The following PLTP variants were observed in gnomAD, a reference collection of about 807,000 sequenced individuals.
The protein encoded by PLTP is phospholipid transfer protein.
Under a neutral mutation model 54.1 loss-of-function variants are expected in PLTP, and 43 were observed. The observed-to-expected ratio is 0.79, with a 90% CI of 0.62 to 1.02. PLTP has a LOEUF of 1.02. Among genes scored for constraint, PLTP ranks in the 50% least tolerant of loss-of-function variants. PLTP has a pLI of 0.00. For missense variants in PLTP, 604 were observed against 645.9 expected (o/e 0.94, Z 0.70); for synonymous variants, 263 against 264.6 (o/e 0.99, Z 0.06).
At chr20:45,903,001 C>G (rs1368410202) in intron 10 of PLTP, among the ~76,000 whole-genome samples, 2 of 150,516 alleles carry the variant, frequency 1.3e-5, no homozygotes, top group African/African-American at 2.5e-5. Context: ...CTCCCAGGTT[C>G]AGGCGATTCT....
intron 8 of PLTP, 24 bp downstream of exon 8, chr20:45,906,244 C>A: frequency 6.4e-7 from 1 of 1,552,246 alleles, no homozygotes; most frequent in South Asian, 1.1e-5. Context: ...AGTCAGAGGT[C>A]ATACACCAGC....
At chr20:45,904,778 C>G (rs538608117) in intron 10 of PLTP, 22 bp downstream of exon 10, 1 of 1,613,566 alleles carries the variant, frequency 6.2e-7, no homozygotes, top group African/African-American at 1.3e-5. Context: ...GTGGCCCTAT[C>G]CCTGCCCCCG....
At chr20:45,901,232 T>C (rs1268512993) in intron 12 of PLTP, among the ~76,000 whole-genome samples, 5 of 152,208 alleles carry the variant, frequency 3.3e-5, no homozygotes, top group African/African-American at 9.6e-5. Flanking sequence ...ATCTACCATA[T>C]TGGATAGCAC....
intron 12 of PLTP, among the ~76,000 whole-genome samples, chr20:45,900,277 T>G (rs1357601693): frequency 6.6e-5 from 10 of 151,872 alleles, no homozygotes; most frequent in Admixed American, 6.6e-4. Context: ...GCTAATTTTT[T>G]GTGTTTTTAG....
chr20:45,911,109 C>CCGAGGCCCCGCCCCGGATCG (rs763329388), intron 3 of PLTP, 43 bp downstream of exon 3: 103 of 1,610,526 alleles, frequency 6.4e-5, no homozygotes, highest in Non-Finnish European at 8.4e-5. Context: ...GCCTCCACCG[C>CCGAGGCCCCGCCCCGGATCG]CGAGGCCCCG....
intron 5 of PLTP, among the ~76,000 whole-genome samples, chr20:45,908,328 C>A (rs1236200230): frequency 6.6e-6 from 1 of 152,130 alleles, no homozygotes; most frequent in Non-Finnish European, 1.5e-5. Context: ...GCCCTGATAT[C>A]AAATGTTTTT....
intron 1 of PLTP, chr20:45,911,664 A>G (rs1568779445): frequency 1.4e-6 from 1 of 696,738 alleles, no homozygotes; most frequent in Non-Finnish European, 2.4e-6. Context: ...TCTGGCTCCC[A>G]GAGGATTTGG....
At chr20:45,900,053 G>A (rs2145828908) in intron 12 of PLTP, among the ~76,000 whole-genome samples, 175 bp from the exon 13 acceptor site, 1 of 150,584 alleles carries the variant, frequency 6.6e-6, no homozygotes, top group South Asian at 2.1e-4. Flanking sequence ...TGCCACTTGG[G>A]TCTCCTTTTC....
chr20:45,900,333 C>T (rs1192407029), intron 12 of PLTP, among the ~76,000 whole-genome samples: 1 of 151,690 alleles, frequency 6.6e-6, no homozygotes, highest in Non-Finnish European at 1.5e-5. Flanking sequence ...CTCGGATTTC[C>T]TGACCTTGTG....
In PLTP at chr20:45,898,881, AAG is replaced by A. The variant is rs1158594549; in HGVS notation, c.*58_*59del. On this transcript the variant is annotated 3_prime_UTR_variant, in exon 16 of 16. Transcript: ENST00000372431. The surrounding 1 kb of genome is among the most constrained non-coding windows in gnomAD (Gnocchi z 4.6). The stretch of plus-strand genomic sequence containing the variant: ...GCACTACAGGCTATGAATGTGGGAA[AAG>A]AGGGGCTGAGAGGGGTTGGGGTCCT... 14 of 1,592,494 alleles carry A rather than the reference AAG, an allele frequency of 8.8e-6. No individual in the cohort carries two copies. The East Asian group carries it at 1.8e-4, about 21-fold the overall frequency.
In PLTP at chr20:45,902,508, T is replaced by C; in HGVS notation, c.1039A>G (p.Thr347Ala). ...IKPSGTTISV[T>A]ASVTIALVPP... Reference sequence around the variant, plus strand: ...ACCAGGGCAATGGTGACGCTAGCAGTGACAGAGATGGTGGTGCCAGAGGGC... The same window carrying C: ...ACCAGGGCAATGGTGACGCTAGCAGCGACAGAGATGGTGGTGCCAGAGGGC... The change falls in exon 11 of 16, where the codon ACT (threonine) becomes GCT (alanine). Residue 347 changes from threonine to alanine, a missense_variant. Thr to Ala is a moderately conservative substitution (Grantham distance 58, BLOSUM62 0). Transcript: ENST00000372431. 6.2e-7 allele frequency: 1 copy of C among 1,614,146 alleles called. No homozygotes were observed.
chr20:45,911,190 C>A lies in PLTP; in HGVS notation c.162G>T (p.Leu54=). ...AGTAGAAGTGGCCTTCTTTGCCCCG[C>A]AGGTCCGGAATGGTGATAGTCTCCA... The part of the protein sequence containing the change: ...QELETITIPD[L]RGKEGHFYYN... The change falls in exon 3 of 16, where the codon CTG becomes CTT. Residue 54 remains leucine, a synonymous_variant. Coordinates refer to ENST00000372431, the MANE Select transcript of PLTP (RefSeq NM_006227.4). 1 of 1,614,186 alleles carries A rather than the reference C, an allele frequency of 6.2e-7. No individual in the cohort carries two copies. The highest frequency in any genetic ancestry group is 8.5e-7 in the Non-Finnish European group (1 of 1,180,020).
At position 45,899,526 on chromosome 20, in the gene PLTP, C is replaced by T. The variant is rs745707576; in HGVS notation, c.1295G>A (p.Arg432His). 34 of 1,614,042 alleles carry T rather than the reference C, an allele frequency of 2.1e-5. No homozygotes were observed. The highest frequency in any genetic ancestry group is 2.8e-5 in the Non-Finnish European group (33 of 1,180,030). Reference protein sequence around the residue: ...VMPMLNERTWRGVQIPLPEGI... With the variant: ...VMPMLNERTWHGVQIPLPEGI... The stretch of plus-strand genomic sequence containing the variant: ...CTCAGGTAGTGGGATCTGCACCCCA[C>T]GCCAGGTCCGCTCTGTGGGTGGGAG... Residue 432 changes from arginine (R) to histidine (H), a missense_variant, in exon 15 of 16, where the codon CGT becomes CAT. Transcript: ENST00000372431.
At position 45,898,753 on chromosome 20, in the gene PLTP, A is replaced by G. The variant is rs1254146469; in HGVS notation, c.*188T>C. 11 of 731,402 alleles carry G rather than the reference A, an allele frequency of 1.5e-5. No homozygotes were observed. Among genetic ancestry groups the G allele is most frequent in the East Asian group, 2.7e-5 (1 of 37,106 alleles). 45.3% of individuals were successfully genotyped at this position (731,402 alleles called of 1,614,324 possible). ...AACCCAACAGAGCTCAGGACAGCCC[A>G]CAGGGAGGTGGTGGACGGACTGTAA... On this transcript the variant is annotated 3_prime_UTR_variant, in exon 16 of 16. Transcript: ENST00000372431. This position sits in a 1 kb window ranked among gnomAD's most constrained non-coding sequence, Gnocchi z 4.6.
intron 12 of PLTP, among the ~76,000 whole-genome samples, chr20:45,901,042 A>G (rs1476624661): frequency 3.3e-5 from 5 of 152,114 alleles, no homozygotes; most frequent in Non-Finnish European, 5.9e-5. Context: ...CCTAACCTAC[A>G]TTATCTCCTT....
chr20:45,902,733 G>T, intron 10 of PLTP, 129 bp from the exon 11 acceptor site: 2 of 958,114 alleles, frequency 2.1e-6, no homozygotes, highest in Non-Finnish European at 3.0e-6. Context: ...TACAGAGGGA[G>T]CTCTGGCTTC....
intron 7 of PLTP, 48 bp from the exon 8 acceptor site, chr20:45,906,407 G>C: frequency 1.4e-6 from 2 of 1,460,926 alleles, no homozygotes; most frequent in Non-Finnish European, 1.9e-6. Context: ...TGTGGGATAA[G>C]GTGCTTAACC....
chr20:45,899,807 G>GGGCCCCCCCCCCCCCCCCCCCCCACC, intron 13 of PLTP, 29 bp downstream of exon 13: 1 of 1,369,468 alleles, frequency 7.3e-7, no homozygotes, highest in Non-Finnish European at 1.0e-6. Flanking sequence ...CACGAACCCA[G>GGGCCCCCCCCCCCCCCCCCCCCCACC]CCCAGCCCAC....
In PLTP at chr20:45,911,255, AAGC is replaced by A; in HGVS notation, c.101-7_101-5del. 1 of 1,613,996 alleles carries A rather than the reference AAGC, an allele frequency of 6.2e-7. No individual in the cohort carries two copies. The highest frequency in any genetic ancestry group is 8.5e-7 in the Non-Finnish European group (1 of 1,179,910). On this transcript the variant is annotated splice_polypyrimidine_tract_variant and splice_region_variant and intron_variant, in intron 2 of 15. Transcript: ENST00000372431. ...AAGCGCAGCCCCTCCTGCTTCACTG[AAGC>A]AGCAGAGAAACCCTTACTTAGCTCC... is the stretch of plus-strand genomic sequence containing the variant.
Sources: gnomAD v4.1 joint callset for allele counts (sites outside exome capture counted in the v4.1 genomes callset) on GRCh38, gnomAD v4.1.1 for gene constraint, Gnocchi (gnomAD v3.1) non-coding constraint, MANE v1.5 for transcripts, NCBI Gene and HGNC (gene_info 2026-07-23, HGNC 2026-07-21) for gene names.